GPHN: variants seen among roughly 807,000 people sequenced by gnomAD.
GPHN encodes gephyrin.
GPHN carries 17 observed loss-of-function variants against 95.5 expected under a neutral mutation model. The observed-to-expected ratio is 0.18, with a 90% CI of 0.12 to 0.27. The LOEUF (loss-of-function observed/expected upper bound fraction) is 0.27, where lower values mean the gene tolerates loss of function less well. GPHN is among the 10% of genes least tolerant of loss of function. GPHN has a pLI of 1.00. For missense variants in GPHN, 660 were observed against 978.1 expected, an observed-to-expected ratio of 0.67 and a Z score of 4.34; for synonymous variants, 320 against 322.5, an observed-to-expected ratio of 0.99 and a Z score of 0.08.
chr14:67,731,514 C>T, the GPHN span, among the ~76,000 whole-genome samples: 1 of 151,868 alleles, frequency 6.6e-6, no homozygotes, highest in South Asian at 2.1e-4. Context: ...TGCGCCTGGT[C>T]TTCCCATCAT....
At chr14:66,859,727 C>T (rs1393790201) in intron 4 of GPHN, among the ~76,000 whole-genome samples, 1 of 152,058 alleles carries the variant, frequency 6.6e-6, no homozygotes, top group African/African-American at 2.4e-5. Flanking sequence ...TTCAAGATAA[C>T]ACAGAGAAGG....
intron 11 of GPHN, among the ~76,000 whole-genome samples, chr14:67,070,712 A>AT (rs1168543877): frequency 3.8e-4 from 50 of 132,342 alleles, no homozygotes; most frequent in South Asian, 9.8e-4. Flanking sequence ...AAAAAAAAAA[A>AT]AAAATATATA....
chr14:67,453,075 C>T, the GPHN span, among the ~76,000 whole-genome samples: 27 of 152,206 alleles, frequency 1.8e-4, no homozygotes, highest in Non-Finnish European at 3.5e-4. Context: ...GAAATGGAGG[C>T]ACAGTACTGT....
At chr14:66,769,069 T>C (rs989529372) in intron 2 of GPHN, among the ~76,000 whole-genome samples, 5 of 151,962 alleles carry the variant, frequency 3.3e-5, no homozygotes, top group African/African-American at 1.2e-4. Context: ...ATAAGTATAC[T>C]GAAGTGGAAT....
At chr14:67,411,481 C>A in the GPHN span, among the ~76,000 whole-genome samples, 2,377 of 152,192 alleles carry the variant, frequency 0.016, 24 homozygotes, top group Middle Eastern at 0.034. Context: ...GGGTCTGATC[C>A]CGATCCTGGC....
intron 17 of GPHN, among the ~76,000 whole-genome samples, chr14:67,132,143 A>G (rs17104024): frequency 0.054 from 8,294 of 152,326 alleles, 237 homozygotes; most frequent in Middle Eastern, 0.068. Flanking sequence ...AGAAGGACAA[A>G]TACTGAGATA....
At position 66,803,305 on chromosome 14, in the gene GPHN, A is replaced by G. The variant is rs1158481700; in HGVS notation, c.202-21169A>G. On this transcript the variant is annotated intron_variant, in intron 3 of 22. Coordinates refer to ENST00000478722, the MANE Select transcript of GPHN (RefSeq NM_020806.5). ...CACCTCCACTGCCACGGGATAGGAC[A>G]GGGGTCCTGTTGACTATTCAAAACT... is the stretch of plus-strand genomic sequence containing the variant. Among the ~76,000 whole-genome samples, 5 of 152,216 alleles carry G rather than the reference A, an allele frequency of 3.3e-5. No homozygotes were observed. In the South Asian group the frequency reaches 8.3e-4, roughly 25 times the overall value.
At chr14:67,455,379 G>A in the GPHN span, among the ~76,000 whole-genome samples, 2,814 of 152,190 alleles carry the variant, frequency 0.018, 87 homozygotes, top group African/African-American at 0.065. Flanking sequence ...GTGGCTCGCA[G>A]TTAATGACCT....
chr14:67,022,568 G>GGT (rs72312422), intron 9 of GPHN, among the ~76,000 whole-genome samples: 3,871 of 20,860 alleles, frequency 0.19, 311 homozygotes, highest in East Asian at 0.35. Flanking sequence ...TTTTTTTTTT[G>GGT]GTGTGTGTGT....
At chr14:67,648,399 A>G in the GPHN span, 2 of 417,782 alleles carry the variant, frequency 4.8e-6, no homozygotes, top group Non-Finnish European at 8.4e-6. Flanking sequence ...CACTAAGGTA[A>G]TAATGAGTAA....
At chr14:67,111,945 T>C (rs1476952435) in intron 15 of GPHN, 26 bp downstream of exon 15, 2 of 1,555,122 alleles carry the variant, frequency 1.3e-6, no homozygotes, top group Non-Finnish European at 1.8e-6. Flanking sequence ...ATAGAATATA[T>C]AGCCTACTTT....
At chr14:67,129,278 G>A (rs1018116161) in intron 17 of GPHN, among the ~76,000 whole-genome samples, 3 of 151,962 alleles carry the variant, frequency 2.0e-5, no homozygotes, top group African/African-American at 2.4e-5. Flanking sequence ...TTTCCAAAAC[G>A]GACAAAAGAG....
At chr14:67,541,141 T>C in the GPHN span, among the ~76,000 whole-genome samples, 1 of 152,230 alleles carries the variant, frequency 6.6e-6, no homozygotes, top group Non-Finnish European at 1.5e-5. Context: ...CACAATCCCA[T>C]CTAAATAGAA....
the GPHN span, among the ~76,000 whole-genome samples, chr14:67,273,324 C>T: frequency 6.6e-6 from 1 of 151,776 alleles, no homozygotes; most frequent in Non-Finnish European, 1.5e-5. Flanking sequence ...ACCCTGTGTC[C>T]AAGTGTTCTC....
the GPHN span, chr14:67,647,271 A>C: frequency 5.0e-6 from 2 of 403,638 alleles, no homozygotes; most frequent in Non-Finnish European, 8.8e-6. Flanking sequence ...CTCCATCTTT[A>C]ATGCTTATCT....
chr14:66,830,749 A>G (rs550572664), intron 4 of GPHN, among the ~76,000 whole-genome samples: 54 of 152,228 alleles, frequency 3.5e-4, no homozygotes, highest in Admixed American at 3.1e-3. Context: ...TTTAGAAGGT[A>G]TATTCTGTTT....
chr14:67,724,984 G>A, the GPHN span: 31 of 1,213,634 alleles, frequency 2.6e-5, no homozygotes, highest in Middle Eastern at 2.0e-4. Context: ...TCACTCTACC[G>A]TTGAAGGATG....
intron 11 of GPHN, among the ~76,000 whole-genome samples, chr14:67,075,091 C>T (rs1595041805): frequency 6.6e-6 from 1 of 152,152 alleles, no homozygotes; most frequent in South Asian, 2.1e-4. Context: ...AAATTAATTC[C>T]TGTCTTCAAA....
chr14:66,692,191 T>A (rs2067824892), intron 2 of GPHN, among the ~76,000 whole-genome samples: 1 of 152,202 alleles, frequency 6.6e-6, no homozygotes, highest in Non-Finnish European at 1.5e-5. Context: ...GCTAACCTTC[T>A]TATAGTCCTG....
Sources: allele counts gnomAD v4.1 joint callset (sites outside exome capture counted in the v4.1 genomes callset), GRCh38; gene constraint gnomAD v4.1.1; transcripts MANE v1.5; gene names NCBI Gene and HGNC (gene_info 2026-07-23, HGNC 2026-07-21).